The following GRID2 variants were observed in gnomAD, a reference collection of about 807,000 sequenced individuals.
The protein encoded by GRID2 is glutamate receptor ionotropic, delta-2.
In GRID2, 33 loss-of-function variants were observed where a neutral mutation model predicts 114.8. The observed-to-expected ratio is 0.29, with a 90% CI of 0.22 to 0.38. The LOEUF (loss-of-function observed/expected upper bound fraction) is 0.38, where lower values mean the gene tolerates loss of function less well. Among genes scored for constraint, GRID2 ranks in the 10% least tolerant of loss-of-function variants. The pLI, the probability that GRID2 is intolerant of heterozygous loss-of-function variation, is 1.00. For missense variants in GRID2, 1,184 were observed against 1,257.7 expected, an observed-to-expected ratio of 0.94 and a Z score of 0.89; for synonymous variants, 505 against 449.9, an observed-to-expected ratio of 1.12 and a Z score of -1.55.
intron 1 of GRID2, among the ~76,000 whole-genome samples, chr4:92,577,754 A>G (rs74747032): frequency 6.6e-6 from 1 of 152,170 alleles, no homozygotes; most frequent in African/African-American, 2.4e-5. Context: ...GAAAATATTA[A>G]TGAAATGGAA....
chr4:93,183,658 G>T (rs1331606377), intron 4 of GRID2, among the ~76,000 whole-genome samples: 1 of 152,124 alleles, frequency 6.6e-6, no homozygotes, highest in Non-Finnish European at 1.5e-5. Flanking sequence ...CTATAATGTG[G>T]CCTGGAATTA....
At chr4:92,499,548 C>G (rs1283636210) in intron 1 of GRID2, among the ~76,000 whole-genome samples, 1 of 152,126 alleles carries the variant, frequency 6.6e-6, no homozygotes, top group Non-Finnish European at 1.5e-5. Flanking sequence ...ATGGAAGAAG[C>G]TCATATTGAG....
chr4:92,528,352 TA>T (rs1322451041), intron 1 of GRID2, among the ~76,000 whole-genome samples: 12 of 150,980 alleles, frequency 7.9e-5, no homozygotes, highest in Non-Finnish European at 1.5e-4. Context: ...AGTAATTATG[TA>T]ATTTAGTTGT....
intron 2 of GRID2, among the ~76,000 whole-genome samples, chr4:92,972,488 C>A (rs1292187132): frequency 6.6e-6 from 1 of 151,986 alleles, no homozygotes; most frequent in African/African-American, 2.4e-5. Context: ...ATTTGGTGCT[C>A]TTTTCAGTAA....
intron 1 of GRID2, among the ~76,000 whole-genome samples, chr4:92,463,079 G>A (rs914814166): frequency 6.6e-6 from 1 of 151,912 alleles, no homozygotes; most frequent in Non-Finnish European, 1.5e-5. Context: ...ACTGTGAAAT[G>A]CTATCATTAC....
chr4:93,559,761 T>A (rs2149560125), intron 13 of GRID2, among the ~76,000 whole-genome samples: 1 of 152,290 alleles, frequency 6.6e-6, no homozygotes, highest in Non-Finnish European at 1.5e-5. Context: ...ATCATTCTAC[T>A]ATAAAGACAC....
intron 8 of GRID2, among the ~76,000 whole-genome samples, chr4:93,347,056 C>T (rs1389421856): frequency 6.6e-6 from 1 of 151,998 alleles, no homozygotes; most frequent in Non-Finnish European, 1.5e-5. Context: ...ACCACTGCGG[C>T]GCGGAGCTCC....
At chr4:93,677,586 C>A (rs964130091) in intron 14 of GRID2, among the ~76,000 whole-genome samples, 2 of 152,102 alleles carry the variant, frequency 1.3e-5, no homozygotes. Flanking sequence ...GACAAAACTT[C>A]CAGAGGAACC....
chr4:93,467,302 G>GT (rs1442432921), intron 11 of GRID2, among the ~76,000 whole-genome samples: 1 of 152,116 alleles, frequency 6.6e-6, no homozygotes, highest in Admixed American at 6.6e-5. Context: ...ATCTTTAGAT[G>GT]TTTTTTCCAA....
At chr4:93,147,522 T>C (rs530620230) in intron 4 of GRID2, among the ~76,000 whole-genome samples, 3 of 152,276 alleles carry the variant, frequency 2.0e-5, no homozygotes, top group Admixed American at 6.5e-5. Flanking sequence ...AAACTAGAAA[T>C]GTGACACAAT....
chr4:92,709,975 G>A (rs1560545634), intron 2 of GRID2, among the ~76,000 whole-genome samples: 1 of 151,964 alleles, frequency 6.6e-6, no homozygotes, highest in East Asian at 1.9e-4. Context: ...CTGCAGTTTG[G>A]AAAAATACAA....
At chr4:93,720,230 T>C (rs1729236069) in intron 14 of GRID2, among the ~76,000 whole-genome samples, 2 of 152,140 alleles carry the variant, frequency 1.3e-5, no homozygotes, top group Admixed American at 1.3e-4. Flanking sequence ...TAGTTGTAGC[T>C]CTCTATCTCA....
chr4:92,901,650 C>A (rs1245605435), intron 2 of GRID2, among the ~76,000 whole-genome samples: 1 of 152,046 alleles, frequency 6.6e-6, no homozygotes, highest in Non-Finnish European at 1.5e-5. Flanking sequence ...TACGTTTATG[C>A]AGTGAATCAC....
chr4:93,632,591 C>G (rs191248429), intron 14 of GRID2, among the ~76,000 whole-genome samples: 291 of 152,230 alleles, frequency 1.9e-3, no homozygotes, highest in African/African-American at 6.7e-3. Flanking sequence ...TGTTTTGGTA[C>G]CAGTACCATG....
chr4:93,014,627 AT>A (rs1428059604), intron 2 of GRID2, among the ~76,000 whole-genome samples: 1 of 152,168 alleles, frequency 6.6e-6, no homozygotes. Context: ...AAGGAAGATA[AT>A]TTATGTAGTG....
intron 8 of GRID2, among the ~76,000 whole-genome samples, chr4:93,343,480 G>A (rs997728310): frequency 7.2e-5 from 11 of 151,884 alleles, no homozygotes; most frequent in Admixed American, 6.6e-4. Flanking sequence ...TTCCCAAGAT[G>A]TTCAAAAAAG....
At chr4:92,789,910 G>C (rs1286338943) in intron 2 of GRID2, among the ~76,000 whole-genome samples, 2 of 151,802 alleles carry the variant, frequency 1.3e-5, no homozygotes, top group African/African-American at 4.8e-5. Context: ...TCAAAGATAT[G>C]TGTTTCCTTC....
chr4:93,098,966 T>C (rs534751622), intron 3 of GRID2, among the ~76,000 whole-genome samples: 37 of 149,408 alleles, frequency 2.5e-4, no homozygotes, highest in Admixed American at 1.6e-3. Flanking sequence ...TGACAGATGA[T>C]TGTATTAAAG....
chr4:92,325,957 A>T (rs1276282179), intron 1 of GRID2, among the ~76,000 whole-genome samples: 1 of 151,766 alleles, frequency 6.6e-6, no homozygotes, highest in African/African-American at 2.4e-5. Context: ...TAAAACTTCT[A>T]ATATATACTG....
Sources: gnomAD v4.1 joint callset for allele counts (sites outside exome capture counted in the v4.1 genomes callset) on GRCh38, gnomAD v4.1.1 for gene constraint, MANE v1.5 for transcripts, NCBI Gene and HGNC (gene_info 2026-07-23, HGNC 2026-07-21) for gene names.